CWF19L2: variants seen among roughly 807,000 people sequenced by gnomAD.
CWF19L2 encodes the protein CWF19-like protein 2.
In CWF19L2, 98 loss-of-function variants were observed where a neutral mutation model predicts 111.7. That is an observed-to-expected ratio of 0.88 (90% CI 0.75 to 1.04). CWF19L2 has a LOEUF of 1.04. Ranked by LOEUF, CWF19L2 falls within the 50% of genes least tolerant of loss-of-function variation. The pLI is 0.00. For missense variants in CWF19L2, 1,101 were observed against 1,051.4 expected, an observed-to-expected ratio of 1.05 and a Z score of -0.65; for synonymous variants, 351 against 342.9, an observed-to-expected ratio of 1.02 and a Z score of -0.26.
chr11:107,403,236 T>C (rs193005379), intron 10 of CWF19L2, among the ~76,000 whole-genome samples: 209 of 150,330 alleles, frequency 1.4e-3, no homozygotes, highest in African/African-American at 4.0e-3. Flanking sequence ...ACCACTGGTA[T>C]AAAAAAAAAT....
At chr11:107,432,778 T>C (rs950912861) in intron 7 of CWF19L2, among the ~76,000 whole-genome samples, 12 of 152,376 alleles carry the variant, frequency 7.9e-5, no homozygotes, top group African/African-American at 2.6e-4. Context: ...TGTACCTTGC[T>C]TTAAATGTCT....
intron 3 of CWF19L2, among the ~76,000 whole-genome samples, chr11:107,446,840 T>A (rs1264793576): frequency 6.6e-6 from 1 of 152,206 alleles, no homozygotes; most frequent in Admixed American, 6.5e-5. Flanking sequence ...GCAAAATTGA[T>A]GCTCCCCATG....
At chr11:107,381,129 GA>G (rs1267723470) in intron 12 of CWF19L2, among the ~76,000 whole-genome samples, 3 of 152,010 alleles carry the variant, frequency 2.0e-5, no homozygotes, top group Admixed American at 6.6e-5. Flanking sequence ...CTGAGATAAT[GA>G]AAAAATGTTC....
intron 12 of CWF19L2, among the ~76,000 whole-genome samples, chr11:107,358,509 T>G (rs1019744500): frequency 5.3e-5 from 8 of 152,192 alleles, no homozygotes; most frequent in African/African-American, 1.9e-4. Flanking sequence ...TGTAGTATTA[T>G]TTAGCCATAA....
intron 12 of CWF19L2, among the ~76,000 whole-genome samples, chr11:107,367,750 C>T (rs1299758507): frequency 1.5e-5 from 2 of 131,146 alleles, no homozygotes; most frequent in East Asian, 2.3e-4. Flanking sequence ...CTGGGTGCAG[C>T]GTACCAGCAT....
At chr11:107,407,409 A>T (rs1861094955) in intron 10 of CWF19L2, among the ~76,000 whole-genome samples, 1 of 152,088 alleles carries the variant, frequency 6.6e-6, no homozygotes. Flanking sequence ...CCAAAAAAAA[A>T]AAATTCTGGA....
At chr11:107,359,948 G>C (rs1005851567) in intron 12 of CWF19L2, among the ~76,000 whole-genome samples, 1 of 152,228 alleles carries the variant, frequency 6.6e-6, no homozygotes, top group African/African-American at 2.4e-5. Flanking sequence ...GGAGGTAAGA[G>C]GAAGTATGGC....
At chr11:107,426,536 A>G (rs2135406409) in intron 8 of CWF19L2, among the ~76,000 whole-genome samples, 1 of 152,080 alleles carries the variant, frequency 6.6e-6, no homozygotes, top group Non-Finnish European at 1.5e-5. Context: ...ATTGTTTCTT[A>G]GAGCAACAAA....
At chr11:107,441,818 G>A (rs1676775500) in intron 4 of CWF19L2, among the ~76,000 whole-genome samples, 196 bp from the exon 5 acceptor site, 1 of 152,088 alleles carries the variant, frequency 6.6e-6, no homozygotes. Flanking sequence ...TCTATAAAAT[G>A]GTATAAAATC....
At chr11:107,362,156 C>T (rs1449843310) in intron 12 of CWF19L2, among the ~76,000 whole-genome samples, 2 of 152,154 alleles carry the variant, frequency 1.3e-5, no homozygotes, top group Non-Finnish European at 2.9e-5. Flanking sequence ...TATCCCGCAC[C>T]TGGCTCGGAG....
At chr11:107,416,859 G>C (rs1861233946) in intron 9 of CWF19L2, among the ~76,000 whole-genome samples, 2 of 152,146 alleles carry the variant, frequency 1.3e-5, no homozygotes, top group African/African-American at 4.8e-5. Flanking sequence ...TTGAACACAA[G>C]AACACATATT....
At position 107,373,228 on chromosome 11, in the gene CWF19L2, A is replaced by G. The variant is rs892806859; in HGVS notation, c.1872+16846T>C. ...TGCCATTGCCCAGGCTTGCTCAGGT[A>G]AACAAAGCAGCCAGGAAGCTCGAAC... On this transcript the variant is annotated intron_variant, in intron 12 of 17. Transcript: ENST00000282251. Among the ~76,000 whole-genome samples the G allele has an allele frequency of 1.8e-4, 23 of 129,732 alleles. 4 individuals are homozygous for G. Among genetic ancestry groups the G allele is most frequent in the Non-Finnish European group, 3.5e-4 (22 of 61,980 alleles). 85.1% of individuals were successfully genotyped at this position (129,732 alleles called of 152,430 possible).
intron 12 of CWF19L2, among the ~76,000 whole-genome samples, chr11:107,385,743 T>G (rs933183154): frequency 2.6e-5 from 4 of 152,270 alleles, no homozygotes; most frequent in African/African-American, 9.6e-5. Context: ...TGATGAAATA[T>G]GCTGTTCTAC....
intron 12 of CWF19L2, among the ~76,000 whole-genome samples, chr11:107,354,652 A>G (rs1259612746): frequency 3.9e-5 from 6 of 152,204 alleles, no homozygotes; most frequent in African/African-American, 1.4e-4. Flanking sequence ...TATTTTTAAT[A>G]ATTTTGTGCA....
At position 107,364,293 on chromosome 11, in the gene CWF19L2, G is replaced by A. The variant is rs568308174; in HGVS notation, c.1873-10557C>T. ...ACAGAAAGTCAACAAGGATACCCAG[G>A]AATTGAACTCAGCTCTGCCTCAAGC... On this transcript the variant is annotated intron_variant, in intron 12 of 17. Transcript: ENST00000282251. Among the ~76,000 whole-genome samples the A allele has an allele frequency of 1.5e-4, 22 of 145,662 alleles. 1 individual carries two copies. The highest frequency in any genetic ancestry group is 5.7e-4 in the African/African-American group (22 of 38,288).
chr11:107,360,691 C>T (rs143046293), intron 12 of CWF19L2, among the ~76,000 whole-genome samples: 34 of 152,266 alleles, frequency 2.2e-4, no homozygotes, highest in Non-Finnish European at 4.3e-4. Context: ...GGCTGGGGTA[C>T]GATAATATCT....
At chr11:107,356,749 G>A (rs957769685) in intron 12 of CWF19L2, among the ~76,000 whole-genome samples, 3 of 152,068 alleles carry the variant, frequency 2.0e-5, no homozygotes, top group African/African-American at 7.2e-5. Context: ...ATTAAAAACT[G>A]AGGCTAGGCC....
At chr11:107,337,221 T>C (rs1859939106) in intron 14 of CWF19L2, among the ~76,000 whole-genome samples, 1 of 152,224 alleles carries the variant, frequency 6.6e-6, no homozygotes, top group South Asian at 2.1e-4. Context: ...GGTAGTCCTC[T>C]ATTTTCACAT....
chr11:107,455,874 T>G, intron 1 of CWF19L2, 98 bp from the exon 2 acceptor site: 6 of 660,750 alleles, frequency 9.1e-6, no homozygotes, highest in Non-Finnish European at 1.6e-5. Context: ...TATACAAAAA[T>G]ATCCACTCAT....
Sources: allele counts gnomAD v4.1 joint callset (sites outside exome capture counted in the v4.1 genomes callset), GRCh38; gene constraint gnomAD v4.1.1; transcripts MANE v1.5; gene names NCBI Gene and HGNC (gene_info 2026-07-23, HGNC 2026-07-21).